Variants in PBX1 observed in about 807,000 individuals in gnomAD.
The protein encoded by PBX1 is pre-B-cell leukemia transcription factor 1.
Under a neutral mutation model 53.4 loss-of-function variants are expected in PBX1, and 6 were observed. The observed-to-expected ratio is 0.11, with a 90% CI of 0.06 to 0.22. The LOEUF (loss-of-function observed/expected upper bound fraction) is 0.22. PBX1 is among the 10% of genes least tolerant of loss of function. The probability of loss-of-function intolerance (pLI) is 1.00; values close to 1 mark genes in which losing one functional copy is unlikely to be tolerated. For synonymous variants in PBX1, 204 were observed against 212.3 expected, an observed-to-expected ratio of 0.96 and a Z score of 0.34; for missense variants, 251 against 551.4, an observed-to-expected ratio of 0.46 and a Z score of 5.46.
chr1:164,870,214 T>TTCCTTCCTTCCTTCC (rs1672318834), intron 2 of PBX1, among the ~76,000 whole-genome samples: 1 of 82,426 alleles, frequency 1.2e-5, no homozygotes, highest in African/African-American at 3.6e-5. Context: ...CTTTCTTTTC[T>TTCCTTCCTTCCTTCC]TTCTTTCCTT....
At chr1:164,751,856 A>G (rs1254572165) in intron 2 of PBX1, among the ~76,000 whole-genome samples, 4 of 152,184 alleles carry the variant, frequency 2.6e-5, no homozygotes, top group African/African-American at 9.7e-5. Context: ...TGCTGGGATT[A>G]TAGGCATGAG....
rs543062977 is a variant in PBX1 at position 164,850,954 on chromosome 1, C to T, written c.*4278C>T. The T allele has an allele frequency of 6.0e-5, 13 of 215,768 alleles. No homozygotes were observed. Among genetic ancestry groups the T allele is most frequent in the African/African-American group, 2.9e-4 (13 of 44,478 alleles). 13.4% of individuals were successfully genotyped at this position (215,768 alleles called of 1,614,324 possible). The stretch of plus-strand genomic sequence containing the variant: ...GGCCTTTTCTTCCAGGAGAGTCCCG[C>T]AGGAGATGCTGGTATGATGGGCACC... On this transcript the variant is annotated 3_prime_UTR_variant, in exon 9 of 9. Transcript: ENST00000420696.
intron 2 of PBX1, among the ~76,000 whole-genome samples, chr1:164,693,082 A>G (rs56760315): frequency 0.065 from 9,876 of 152,296 alleles, 502 homozygotes; most frequent in East Asian, 0.28. Context: ...TGTGCCCCAC[A>G]GGCCTCTGCA....
chr1:164,627,906 T>A (rs1571100283), intron 2 of PBX1, among the ~76,000 whole-genome samples: 1 of 152,248 alleles, frequency 6.6e-6, no homozygotes, highest in East Asian at 1.9e-4. Context: ...CCAAGCTGGT[T>A]CTCTGCTATG....
At chr1:164,560,142 C>A in intron 1 of PBX1, 129 bp downstream of exon 1, 2 of 689,616 alleles carry the variant, frequency 2.9e-6, no homozygotes, top group Non-Finnish European at 4.6e-6. Context: ...CTCATTTTGA[C>A]AAGCAACTAC....
chr1:164,697,018 C>T (rs969380390), intron 2 of PBX1, among the ~76,000 whole-genome samples: 2 of 152,134 alleles, frequency 1.3e-5, no homozygotes, highest in Admixed American at 6.6e-5. Context: ...ATATGTCCGT[C>T]TTCTCAATAC....
rs146114621 is a variant in PBX1 at position 164,607,485 on chromosome 1, G to A, written c.265+44174G>A. ...TCAAGATTACCAGAGGCTGAAGAAA[G>A]CTACTGAGGAAGGTTAGAAGGAGAG... On this transcript the variant is annotated intron_variant, in intron 2 of 8. Coordinates refer to ENST00000420696, the MANE Select transcript of PBX1 (RefSeq NM_002585.4). Among the ~76,000 whole-genome samples the A allele has an allele frequency of 6.6e-4, 100 of 152,296 alleles. 2 individuals are homozygous for A. The East Asian group carries it at 0.018, about 27-fold the overall frequency.
intron 2 of PBX1, among the ~76,000 whole-genome samples, chr1:164,586,751 A>G (rs1214129093): frequency 6.6e-6 from 1 of 152,224 alleles, no homozygotes; most frequent in African/African-American, 2.4e-5. Flanking sequence ...CATGGCATAG[A>G]TTTAGAAATC....
At chr1:164,773,985 A>G (rs944068978) in intron 2 of PBX1, among the ~76,000 whole-genome samples, 2 of 152,194 alleles carry the variant, frequency 1.3e-5, no homozygotes, top group Non-Finnish European at 2.9e-5. Flanking sequence ...TCCACTTTGA[A>G]TTCTTTGATC....
intron 2 of PBX1, among the ~76,000 whole-genome samples, chr1:164,582,253 A>G (rs1019162302): frequency 1.3e-5 from 2 of 152,200 alleles, no homozygotes; most frequent in Non-Finnish European, 2.9e-5. Context: ...CATATCCTAG[A>G]AAGGTTGGCT....
intron 2 of PBX1, among the ~76,000 whole-genome samples, chr1:164,768,897 A>G (rs544842340): frequency 6.6e-6 from 1 of 152,312 alleles, no homozygotes; most frequent in East Asian, 1.9e-4. Flanking sequence ...TACTAAAAAT[A>G]CAGAAATTAA....
intron 3 of PBX1, among the ~76,000 whole-genome samples, chr1:164,795,646 T>C (rs116710733): frequency 0.016 from 2,457 of 152,318 alleles, 27 homozygotes; most frequent in Non-Finnish European, 0.023. Context: ...AATTTATTAA[T>C]ATTAGTTGTG....
At chr1:164,795,517 A>C (rs574529108) in intron 3 of PBX1, among the ~76,000 whole-genome samples, 1 of 152,370 alleles carries the variant, frequency 6.6e-6, no homozygotes, top group East Asian at 1.9e-4. Context: ...TCAGTGTAGA[A>C]GTTGTACTAC....
At chr1:164,793,335 G>A (rs1472711113) in intron 3 of PBX1, among the ~76,000 whole-genome samples, 2 of 152,074 alleles carry the variant, frequency 1.3e-5, no homozygotes, top group African/African-American at 2.4e-5. Context: ...CTGTAAAAAG[G>A]GTAGGAGGTT....
Position 164,695,766 on chromosome 1 carries a change from A to G in PBX1, c.266-96728A>G, listed in dbSNP as rs564322263. 2.1e-3 allele frequency among the ~76,000 whole-genome samples: 314 copies of G among 152,348 alleles called. 1 individual carries two copies. The highest frequency in any genetic ancestry group is 3.7e-3 in the Non-Finnish European group (252 of 68,042). On this transcript the variant is annotated intron_variant, in intron 2 of 8. Coordinates refer to ENST00000420696, the MANE Select transcript of PBX1 (RefSeq NM_002585.4). ...TCCCAACATTCTTCAGAATCAGGCA[A>G]CTTTAGTACCACATCATAACTTAAT...
chr1:164,804,397 G>T (rs1313545569), intron 4 of PBX1, among the ~76,000 whole-genome samples: 2 of 152,128 alleles, frequency 1.3e-5, no homozygotes, highest in Admixed American at 1.3e-4. Flanking sequence ...TTGATCTAGT[G>T]TTGCTCTGGT....
chr1:164,806,269 C>CT (rs1053988187), intron 4 of PBX1, among the ~76,000 whole-genome samples: 14 of 151,274 alleles, frequency 9.3e-5, no homozygotes, highest in African/African-American at 2.2e-4. Flanking sequence ...TCAATTAGCA[C>CT]TTTTTTTTTA....
chr1:164,688,257 C>T (rs1368262670), intron 2 of PBX1, among the ~76,000 whole-genome samples: 2 of 152,138 alleles, frequency 1.3e-5, no homozygotes, highest in East Asian at 1.9e-4. Context: ...TAATTATTCA[C>T]GTTATTAAAA....
At chr1:164,672,146 T>C (rs1046152256) in intron 2 of PBX1, among the ~76,000 whole-genome samples, 2 of 151,108 alleles carry the variant, frequency 1.3e-5, no homozygotes, top group Admixed American at 6.6e-5. Context: ...TCATGGAGAG[T>C]GATTTCTCTG....
Sources: gnomAD v4.1 joint callset for allele counts (sites outside exome capture counted in the v4.1 genomes callset) on GRCh38, gnomAD v4.1.1 for gene constraint, MANE v1.5 for transcripts, NCBI Gene and HGNC (gene_info 2026-07-23, HGNC 2026-07-21) for gene names.